XRN1: variants seen among roughly 807,000 people sequenced by gnomAD.
XRN1 encodes strand-exchange protein 1 homolog.
In XRN1, 67 loss-of-function variants were observed where a neutral mutation model predicts 222.3. The observed-to-expected ratio is 0.30, with a 90% CI of 0.25 to 0.37. XRN1 has a LOEUF of 0.37. Among genes scored for constraint, XRN1 ranks in the 10% least tolerant of loss-of-function variants. XRN1 has a pLI of 1.00. For missense variants in XRN1, 1,707 were observed against 2,000.2 expected (o/e 0.85, Z 2.80); for synonymous variants, 643 against 652.4 (o/e 0.99, Z 0.22).
intron 27 of XRN1, among the ~76,000 whole-genome samples, chr3:142,368,755 T>C (rs571176604): frequency 6.6e-6 from 1 of 152,348 alleles, no homozygotes; most frequent in East Asian, 1.9e-4. Flanking sequence ...CTGAGCCTTA[T>C]ATTTTTTCCT....
chr3:142,355,049 G>C (rs2066424029), intron 32 of XRN1, among the ~76,000 whole-genome samples: 1 of 149,842 alleles, frequency 6.7e-6, no homozygotes, highest in African/African-American at 2.5e-5. Flanking sequence ...ATAAAAATGG[G>C]AATAACAGAC....
chr3:142,389,182 T>C (rs1199894420), intron 20 of XRN1, among the ~76,000 whole-genome samples: 2 of 152,174 alleles, frequency 1.3e-5, no homozygotes, highest in Non-Finnish European at 2.9e-5. Context: ...CACTGCACTC[T>C]GGCTTGGGTG....
At chr3:142,357,188 T>C in intron 30 of XRN1, 69 bp from the exon 31 acceptor site, 2 of 1,448,396 alleles carry the variant, frequency 1.4e-6, no homozygotes, top group South Asian at 2.5e-5. Context: ...AAAAGTCAAA[T>C]AATTTTTGGT....
chr3:142,395,120 C>T (rs2067878796), intron 20 of XRN1, among the ~76,000 whole-genome samples: 1 of 152,132 alleles, frequency 6.6e-6, no homozygotes, highest in South Asian at 2.1e-4. Context: ...CCTCATGCTA[C>T]TAACATTCTA....
Position 142,312,705 on chromosome 3 carries a change from A to T in XRN1, c.4675T>A (p.Ser1559Thr). Residue 1559 changes from serine to threonine, a missense_variant, in exon 40 of 41, where the codon TCG becomes ACG. Physicochemically the swap from Ser to Thr is moderately conservative, Grantham distance 58 (BLOSUM62 1). This residue lies in a region of XRN1 where 473 missense variants were observed against 482.0 expected (regional missense o/e 0.98). Transcript: ENST00000392981. Reference sequence around the variant, plus strand: ...AAGGGCTTCCCAGGAACTGGCACCGATGGTCCCCATGGCATTGAGCCAAAG... The same window carrying T: ...AAGGGCTTCCCAGGAACTGGCACCGTTGGTCCCCATGGCATTGAGCCAAAG... The part of the protein sequence containing the change: ...HLFGSMPWGP[S>T]VPVPGKPFHH... The T allele has an allele frequency of 6.2e-7, 1 of 1,613,886 alleles. No homozygotes were observed. The highest frequency in any genetic ancestry group is 8.5e-7 in the Non-Finnish European group (1 of 1,179,784).
rs2107920638 is a variant in XRN1 at position 142,332,437 on chromosome 3, A to G, written c.4160T>C (p.Val1387Ala). The G allele has an allele frequency of 1.2e-6, 2 of 1,613,368 alleles. No homozygotes were observed. The highest frequency in any genetic ancestry group is 2.2e-5 in the South Asian group (2 of 91,038). ...EIKQIANEIP[V>A]SSNRRDEYGL... ...ATATTCATCTCTTCTGTTAGAGGAA[A>G]CAGGGATTTCATTAGCAATCTGTTT... Residue 1387 changes from valine (V) to alanine (A), a missense_variant, in exon 36 of 41, where the codon GTT becomes GCT. Physicochemically the swap from Val to Ala is moderately conservative, Grantham distance 64. Transcript: ENST00000392981.
intron 15 of XRN1, among the ~76,000 whole-genome samples, chr3:142,408,057 T>C (rs2068415023): frequency 6.6e-6 from 1 of 152,262 alleles, no homozygotes; most frequent in Non-Finnish European, 1.5e-5. Flanking sequence ...TCTAATAGCA[T>C]ACTCTTCTAA....
chr3:142,365,879 T>C (rs2066798108), intron 27 of XRN1, among the ~76,000 whole-genome samples: 1 of 152,226 alleles, frequency 6.6e-6, no homozygotes, highest in Non-Finnish European at 1.5e-5. Flanking sequence ...CAAAGATGTA[T>C]ATATTTTTAA....
At chr3:142,444,382 C>T (rs1202955214) in intron 1 of XRN1, among the ~76,000 whole-genome samples, 1 of 152,070 alleles carries the variant, frequency 6.6e-6, no homozygotes, top group African/African-American at 2.4e-5. Flanking sequence ...CTGAGGTGGG[C>T]GGATCACTTG....
rs554288950 is a variant in XRN1 at position 142,378,515 on chromosome 3, A to C, written c.2715+1567T>G. On this transcript the variant is annotated intron_variant, in intron 23 of 40. Coordinates refer to ENST00000392981, the MANE Select transcript of XRN1 (RefSeq NM_001282857.2). Reference sequence around the variant, plus strand: ...GAATAAGGACACACTTTTAGAAATTAAAATGATTAAATCAAATAGAAATTT... The same window carrying C: ...GAATAAGGACACACTTTTAGAAATTCAAATGATTAAATCAAATAGAAATTT... Among the ~76,000 whole-genome samples, 158 of 152,292 alleles carry C rather than the reference A, an allele frequency of 1.0e-3. 5 individuals carry two copies. The South Asian group carries it at 0.03, about 29-fold the overall frequency.
At chr3:142,404,408 A>G (rs1273114881) in intron 16 of XRN1, among the ~76,000 whole-genome samples, 1 of 151,764 alleles carries the variant, frequency 6.6e-6, no homozygotes, top group Non-Finnish European at 1.5e-5. Context: ...CTCAATTGCC[A>G]TCTGGGTAGA....
chr3:142,436,059 C>CAAAAAAA (rs750789773), intron 1 of XRN1: 1 of 112,410 alleles, frequency 8.9e-6, no homozygotes, highest in Non-Finnish European at 1.8e-5. Flanking sequence ...GACTCCACCT[C>CAAAAAAA]AAAAAAAAAA....
intron 22 of XRN1, among the ~76,000 whole-genome samples, chr3:142,381,538 A>G (rs1275354828): frequency 2.9e-5 from 4 of 137,196 alleles, no homozygotes; most frequent in Admixed American, 2.9e-4. Flanking sequence ...TTTTGTTTTT[A>G]TAACACTGAC....
At chr3:142,371,149 T>C (rs922192842) in intron 26 of XRN1, 90 bp downstream of exon 26, 1 of 933,792 alleles carries the variant, frequency 1.1e-6, no homozygotes. Flanking sequence ...AAAAAAAAAG[T>C]AATATGAAAT....
At chr3:142,396,463 A>G (rs1197908413) in intron 20 of XRN1, among the ~76,000 whole-genome samples, 1 of 152,234 alleles carries the variant, frequency 6.6e-6, no homozygotes, top group African/African-American at 2.4e-5. Flanking sequence ...ATATGCTACA[A>G]AAGACAACTT....
chr3:142,433,433 C>G (rs533510229), intron 1 of XRN1, among the ~76,000 whole-genome samples: 1 of 152,148 alleles, frequency 6.6e-6, no homozygotes, highest in South Asian at 2.1e-4. Context: ...GAAACTGAAA[C>G]CTGAAAAACA....
In XRN1 at chr3:142,447,685, C is replaced by A. The variant is rs771597895; in HGVS notation, c.75+185G>T. ...AGCGGCTCTGTCCACACACAGGCAA[C>A]CTGCGTCCTTAGCCCCTTTCGGCTC... On this transcript the variant is annotated intron_variant, in intron 1 of 40. Coordinates refer to ENST00000392981, the MANE Select transcript of XRN1 (RefSeq NM_001282857.2). This position sits in a 1 kb window ranked among gnomAD's most constrained non-coding sequence, Gnocchi z 4.2. Among the ~76,000 whole-genome samples the A allele has an allele frequency of 1.3e-5, 2 of 152,208 alleles. No individual in the cohort carries two copies. The highest frequency in any genetic ancestry group is 4.8e-5 in the African/African-American group (2 of 41,466).
intron 33 of XRN1, among the ~76,000 whole-genome samples, chr3:142,341,936 C>T (rs1468698214): frequency 2.6e-5 from 4 of 151,998 alleles, no homozygotes; most frequent in Admixed American, 6.6e-5. Flanking sequence ...GTATATAGAG[C>T]AAATATTACT....
chr3:142,338,454 G>A (rs1028885485), intron 33 of XRN1, among the ~76,000 whole-genome samples: 3 of 152,052 alleles, frequency 2.0e-5, no homozygotes, highest in Middle Eastern at 3.4e-3. Flanking sequence ...AACCAGCAGC[G>A]ATACCAGGTA....
Sources: allele counts gnomAD v4.1 joint callset (sites outside exome capture counted in the v4.1 genomes callset), GRCh38; gene constraint gnomAD v4.1.1; regional missense constraint gnomAD v4.1.1; non-coding constraint Gnocchi (gnomAD v3.1); transcripts MANE v1.5; gene names NCBI Gene and HGNC (gene_info 2026-07-23, HGNC 2026-07-21).